TDRD9: variants seen among roughly 807,000 people sequenced by gnomAD.
The protein encoded by TDRD9 is tudor domain containing 9, also known as ATP-dependent RNA helicase TDRD9.
A neutral mutation model predicts 172.6 loss-of-function variants in TDRD9; 124 were observed. The ratio of observed to expected loss-of-function variants is 0.72; its 90% CI spans 0.62 to 0.83. The LOEUF (loss-of-function observed/expected upper bound fraction) is 0.83, where lower values mean the gene tolerates loss of function less well. Ranked by LOEUF, TDRD9 falls within the 40% of genes least tolerant of loss-of-function variation. The probability of loss-of-function intolerance (pLI) is 0.00; values close to 1 mark genes in which losing one functional copy is unlikely to be tolerated. For synonymous variants in TDRD9, 619 were observed against 617.1 expected (o/e 1.00, Z -0.05); for missense variants, 1,479 against 1,714.1 (o/e 0.86, Z 2.42).
chr14:104,006,318 C>T (rs944220783), intron 15 of TDRD9, 71 bp from the exon 16 acceptor site: 45 of 1,308,698 alleles, frequency 3.4e-5, no homozygotes, highest in Non-Finnish European at 4.7e-5. Context: ...CTGTTTTGGA[C>T]TCTCCACCTT....
chr14:103,930,973 GACA>G (rs1484405028), intron 1 of TDRD9, among the ~76,000 whole-genome samples: 4 of 152,078 alleles, frequency 2.6e-5, no homozygotes, highest in African/African-American at 9.7e-5. Context: ...AATGAAAAAA[GACA>G]ACATACTAAT....
intron 19 of TDRD9, 78 bp downstream of exon 19, chr14:104,007,282 C>T (rs1033659576): frequency 1.6e-5 from 22 of 1,401,328 alleles, no homozygotes; most frequent in African/African-American, 4.3e-5. Context: ...ACAGTCATAG[C>T]GTGTGAATCA....
At chr14:103,967,637 G>A (rs936026507) in intron 5 of TDRD9, among the ~76,000 whole-genome samples, 2 of 152,186 alleles carry the variant, frequency 1.3e-5, no homozygotes, top group African/African-American at 4.8e-5. Context: ...TATACTCCAG[G>A]CAAAGCTGAG....
intron 2 of TDRD9, among the ~76,000 whole-genome samples, chr14:103,956,299 G>A (rs1380266636): frequency 6.6e-6 from 1 of 151,230 alleles, no homozygotes; most frequent in East Asian, 1.9e-4. Context: ...TTAGCTGGGT[G>A]TGGTGGCGTG....
intron 7 of TDRD9, among the ~76,000 whole-genome samples, chr14:103,982,567 T>G (rs1024098224): frequency 2.6e-5 from 4 of 152,206 alleles, no homozygotes; most frequent in Non-Finnish European, 5.9e-5. Context: ...CCTTTCAGTG[T>G]CCTTTGGAGA....
chr14:103,979,414 A>G (rs1292773222), intron 7 of TDRD9, among the ~76,000 whole-genome samples: 1 of 152,242 alleles, frequency 6.6e-6, no homozygotes. Context: ...TGCAGGCTAT[A>G]CAAGAACCAT....
chr14:103,977,904 G>A (rs1461408509), intron 7 of TDRD9, among the ~76,000 whole-genome samples: 2 of 152,132 alleles, frequency 1.3e-5, no homozygotes, highest in African/African-American at 4.8e-5. Flanking sequence ...AGTGTTCCCA[G>A]CACCATTTAT....
chr14:104,002,371 G>GT (rs1233898315), intron 13 of TDRD9, among the ~76,000 whole-genome samples: 1 of 151,012 alleles, frequency 6.6e-6, no homozygotes, highest in Non-Finnish European at 1.5e-5. Flanking sequence ...ATTTAACAGA[G>GT]TTTTAAAGAA....
At chr14:103,970,945 G>A (rs1320399378) in intron 6 of TDRD9, among the ~76,000 whole-genome samples, 1 of 151,530 alleles carries the variant, frequency 6.6e-6, no homozygotes, top group African/African-American at 2.4e-5. Context: ...TTTTCAGTTG[G>A]TTGAATCTGC....
At chr14:104,027,683 C>G (rs1199475544) in intron 28 of TDRD9, among the ~76,000 whole-genome samples, 1 of 152,106 alleles carries the variant, frequency 6.6e-6, no homozygotes, top group East Asian at 1.9e-4. Flanking sequence ...TCACCTCAGA[C>G]ATTTATTATT....
chr14:104,004,161 A>G (rs1387696908), intron 13 of TDRD9, 77 bp from the exon 14 acceptor site: 33 of 649,564 alleles, frequency 5.1e-5, no homozygotes, highest in Non-Finnish European at 8.8e-5. Context: ...ATATTTAATG[A>G]CTGTTTAAAA....
At chr14:104,006,940 T>A in intron 18 of TDRD9, 95 bp downstream of exon 18, 1 of 1,152,740 alleles carries the variant, frequency 8.7e-7, no homozygotes, top group Non-Finnish European at 1.3e-6. Context: ...CAGACAATGT[T>A]TTATCTAGTG....
At chr14:103,948,783 A>C (rs1475790771) in intron 1 of TDRD9, among the ~76,000 whole-genome samples, 2 of 150,078 alleles carry the variant, frequency 1.3e-5, no homozygotes, top group Non-Finnish European at 3.0e-5. Flanking sequence ...AGATGGGAGG[A>C]TTGCATGAGC....
intron 7 of TDRD9, 150 bp downstream of exon 7, chr14:103,975,703 G>A (rs986254664): frequency 3.8e-6 from 3 of 792,720 alleles, no homozygotes; most frequent in African/African-American, 1.7e-5. Context: ...GGAGTATAGT[G>A]TGGTATTTTG....
At chr14:103,930,829 A>G (rs963680869) in intron 1 of TDRD9, among the ~76,000 whole-genome samples, 2 of 152,190 alleles carry the variant, frequency 1.3e-5, no homozygotes, top group African/African-American at 4.8e-5. Context: ...TTGGAAGTAA[A>G]TTATTATTGA....
chr14:103,981,214 A>G (rs141153839), intron 7 of TDRD9, among the ~76,000 whole-genome samples: 110 of 152,188 alleles, frequency 7.2e-4, no homozygotes, highest in African/African-American at 2.6e-3. Context: ...GCCTCTGACT[A>G]GTTTGAAATG....
chr14:103,975,081 C>T (rs1252370724), intron 6 of TDRD9, among the ~76,000 whole-genome samples: 2 of 151,880 alleles, frequency 1.3e-5, no homozygotes, highest in Non-Finnish European at 2.9e-5. Flanking sequence ...TTTACCTGGG[C>T]CTTATTCTTT....
intron 14 of TDRD9, 116 bp from the exon 15 acceptor site, chr14:104,005,154 TTTTC>T (rs760212788): frequency 5.5e-5 from 53 of 959,118 alleles, no homozygotes; most frequent in Non-Finnish European, 8.2e-5. Context: ...TCCTCTCCAT[TTTTC>T]TTTCTTCTCT....
Position 104,052,473 on chromosome 14 carries a change from A to G in TDRD9, c.*391A>G, listed in dbSNP as rs1180467039. The G allele has an allele frequency of 7.8e-6, 1 of 128,214 alleles. No homozygotes were observed. Among genetic ancestry groups the G allele is most frequent in the African/African-American group, 2.9e-5 (1 of 35,054 alleles). 7.9% of individuals were successfully genotyped at this position (128,214 alleles called of 1,614,324 possible). A position where few individuals can be genotyped will look rare whatever the true frequency, so the allele number is the denominator to read the frequency against. The stretch of plus-strand genomic sequence containing the variant: ...CTGTTCTGTTACAGTGATTTAAACC[A>G]GTAGTATAGGAAAAAACTTAAAAAA... On this transcript the variant is annotated 3_prime_UTR_variant, in exon 36 of 36. Coordinates refer to ENST00000409874, the MANE Select transcript of TDRD9 (RefSeq NM_153046.3).
Sources: gnomAD v4.1 joint callset for allele counts (sites outside exome capture counted in the v4.1 genomes callset) on GRCh38, gnomAD v4.1.1 for gene constraint, MANE v1.5 for transcripts, NCBI Gene and HGNC (gene_info 2026-07-23, HGNC 2026-07-21) for gene names.